The following GLRA3 variants were observed in gnomAD, a reference collection of about 807,000 sequenced individuals.
GLRA3 encodes the protein glycine receptor subunit alpha-3.
Under a neutral mutation model 60.4 loss-of-function variants are expected in GLRA3, and 44 were observed. That is an observed-to-expected ratio of 0.73 (90% confidence interval 0.57 to 0.94). GLRA3 has a LOEUF of 0.94. GLRA3 is among the 40% of genes least tolerant of loss of function. The pLI is 0.00. For synonymous variants in GLRA3, 223 were observed against 192.9 expected (o/e 1.16, Z -1.29); for missense variants, 508 against 564.6 (o/e 0.90, Z 1.02).
At chr4:174,680,653 G>T (rs1480470051) in intron 6 of GLRA3, among the ~76,000 whole-genome samples, 1 of 152,106 alleles carries the variant, frequency 6.6e-6, no homozygotes, top group African/African-American at 2.4e-5. Flanking sequence ...GGAGCAAGGG[G>T]AAGAGAGGTA....
intron 9 of GLRA3, among the ~76,000 whole-genome samples, chr4:174,649,531 C>T (rs1202390814): frequency 1.3e-5 from 2 of 152,110 alleles, no homozygotes; most frequent in Non-Finnish European, 2.9e-5. Flanking sequence ...CCTAACTCGT[C>T]CTTTTTAGGA....
intron 7 of GLRA3, among the ~76,000 whole-genome samples, chr4:174,672,408 T>C (rs77060994): frequency 0.015 from 2,288 of 152,276 alleles, 30 homozygotes; most frequent in Middle Eastern, 0.024. Flanking sequence ...AAGTCTTCCC[T>C]GTGGGTGGAG....
At chr4:174,770,403 G>A (rs1298319860) in intron 2 of GLRA3, among the ~76,000 whole-genome samples, 2 of 152,024 alleles carry the variant, frequency 1.3e-5, no homozygotes, top group Admixed American at 6.6e-5. Flanking sequence ...GAAAATATCT[G>A]GGGCCATTAT....
At chr4:174,825,315 A>T (rs1389747304) in intron 1 of GLRA3, among the ~76,000 whole-genome samples, 1 of 152,164 alleles carries the variant, frequency 6.6e-6, no homozygotes, top group Non-Finnish European at 1.5e-5. Flanking sequence ...CTCATCCTCC[A>T]AAACATACCA....
In GLRA3 at chr4:174,685,224, C is replaced by T. The variant is rs770402397; in HGVS notation, c.575-2285G>A. 9.2e-5 allele frequency among the ~76,000 whole-genome samples: 14 copies of T among 151,858 alleles called. 1 individual carries two copies. The highest frequency in any genetic ancestry group is 2.1e-4 in the Non-Finnish European group (14 of 67,952). ...GGAACTGATCACCTTCCACCCTCCCCAATACCTGGGAAAAACTCTCCCAGA... is the reference window on the plus strand; with the variant it reads ...GGAACTGATCACCTTCCACCCTCCCTAATACCTGGGAAAAACTCTCCCAGA... On this transcript the variant is annotated intron_variant, in intron 5 of 9. Coordinates refer to ENST00000274093, the MANE Select transcript of GLRA3 (RefSeq NM_006529.4).
chr4:174,682,935 C>T lies in GLRA3; in HGVS notation c.579G>A (p.Gly193=). The change falls in exon 6 of 10, where the codon GGG becomes GGA. Residue 193 remains glycine, a synonymous_variant. Coordinates refer to ENST00000274093, the MANE Select transcript of GLRA3 (RefSeq NM_006529.4). ...CAAAAATGAGATCATTCATTGTGTA[C>T]CCAACTAGGCAAAACATAATAAAAA... The part of the protein sequence containing the change: ...QTCIMQLESF[G]YTMNDLIFEW... The T allele has an allele frequency of 6.2e-7, 1 of 1,610,346 alleles. No homozygotes were observed.
chr4:174,752,880 A>C (rs1737543194), intron 3 of GLRA3, among the ~76,000 whole-genome samples: 1 of 152,078 alleles, frequency 6.6e-6, no homozygotes, highest in Non-Finnish European at 1.5e-5. Context: ...AGTGTTGGCA[A>C]TATTCCAAGA....
chr4:174,710,789 T>A (rs1034090426), intron 5 of GLRA3, among the ~76,000 whole-genome samples: 1 of 152,130 alleles, frequency 6.6e-6, no homozygotes, highest in African/African-American at 2.4e-5. Flanking sequence ...CAACCTAATT[T>A]TTTTTTCTTT....
chr4:174,683,340 C>T (rs1482321701), intron 5 of GLRA3, among the ~76,000 whole-genome samples: 2 of 151,946 alleles, frequency 1.3e-5, no homozygotes, highest in Non-Finnish European at 2.9e-5. Context: ...GAAATTGTCA[C>T]TCGTTAGAAA....
chr4:174,766,932 T>C (rs370964677), intron 3 of GLRA3, 31 bp downstream of exon 3: 16 of 1,160,530 alleles, frequency 1.4e-5, no homozygotes, highest in Non-Finnish European at 2.1e-5. Context: ...ATTACTCTAG[T>C]GTGAAACTTG....
intron 1 of GLRA3, among the ~76,000 whole-genome samples, chr4:174,794,974 A>G (rs972030685): frequency 6.6e-6 from 1 of 151,778 alleles, no homozygotes; most frequent in African/African-American, 2.4e-5. Flanking sequence ...TGTTCCAAAG[A>G]GCCTGGCATC....
intron 3 of GLRA3, among the ~76,000 whole-genome samples, chr4:174,736,524 T>C (rs1410592761): frequency 2.0e-5 from 3 of 152,198 alleles, no homozygotes; most frequent in African/African-American, 7.2e-5. Context: ...CCCGTCCCCA[T>C]AGATTTACCT....
At chr4:174,718,200 G>A (rs930725709) in intron 4 of GLRA3, among the ~76,000 whole-genome samples, 5 of 152,092 alleles carry the variant, frequency 3.3e-5, no homozygotes, top group African/African-American at 7.2e-5. Context: ...TGAAAAATAC[G>A]TGTCAACTTG....
intron 4 of GLRA3, among the ~76,000 whole-genome samples, chr4:174,715,903 C>T (rs1194795288): frequency 6.6e-6 from 1 of 150,686 alleles, no homozygotes. Context: ...TTTATTTATT[C>T]AATTAGAAAG....
At position 174,642,459 on chromosome 4, in the gene GLRA3, A is replaced by C; in HGVS notation, c.*1327T>G. On this transcript the variant is annotated 3_prime_UTR_variant, in exon 10 of 10. Coordinates refer to ENST00000274093, the MANE Select transcript of GLRA3 (RefSeq NM_006529.4). ...AATTTATGGTAAAAATAGTTAAAAA[A>C]ATAGCAAAACTGAAAAAGAGTCAGA... 1 of 977,854 alleles carries C rather than the reference A, an allele frequency of 1.0e-6. No homozygotes were observed. 60.6% of individuals were successfully genotyped at this position (977,854 alleles called of 1,614,324 possible).
chr4:174,687,953 A>G (rs1291447459), intron 5 of GLRA3, among the ~76,000 whole-genome samples: 1 of 152,088 alleles, frequency 6.6e-6, no homozygotes, highest in African/African-American at 2.4e-5. Context: ...ATTGCAATTA[A>G]TCTTTAAGAG....
chr4:174,653,452 T>G (rs1733091464), intron 9 of GLRA3, among the ~76,000 whole-genome samples: 1 of 151,938 alleles, frequency 6.6e-6, no homozygotes, highest in Non-Finnish European at 1.5e-5. Context: ...TAAAATTATT[T>G]GAAAGTTCAC....
At chr4:174,653,763 A>G (rs564024702) in intron 9 of GLRA3, among the ~76,000 whole-genome samples, 18 of 152,090 alleles carry the variant, frequency 1.2e-4, no homozygotes, top group Non-Finnish European at 4.4e-5. Flanking sequence ...ATATGTTAAA[A>G]AGCAGCATTT....
intron 3 of GLRA3, among the ~76,000 whole-genome samples, chr4:174,738,529 T>C (rs1736888089): frequency 6.6e-6 from 1 of 152,266 alleles, no homozygotes; most frequent in South Asian, 2.1e-4. Flanking sequence ...TATTTGAGCA[T>C]GTAAACTTGA....
Sources: allele counts gnomAD v4.1 joint callset (sites outside exome capture counted in the v4.1 genomes callset), GRCh38; gene constraint gnomAD v4.1.1; transcripts MANE v1.5; gene names NCBI Gene and HGNC (gene_info 2026-07-23, HGNC 2026-07-21).